Variants in IQCM observed in about 807,000 individuals in gnomAD.
IQCM encodes IQ domain-containing protein M.
In IQCM, 45 loss-of-function variants were observed where a neutral mutation model predicts 57.6. That is an observed-to-expected ratio of 0.78 (90% confidence interval 0.62 to 1.00). The LOEUF (loss-of-function observed/expected upper bound fraction) is 1.00. Among genes scored for constraint, IQCM ranks in the 50% least tolerant of loss-of-function variants. The probability of loss-of-function intolerance (pLI) is 0.00; values close to 1 mark genes in which losing one functional copy is unlikely to be tolerated. For synonymous variants in IQCM, 148 were observed against 158.9 expected, an observed-to-expected ratio of 0.93 and a Z score of 0.51; for missense variants, 468 against 511.6, an observed-to-expected ratio of 0.91 and a Z score of 0.82.
intron 8 of IQCM, among the ~76,000 whole-genome samples, chr4:149,596,979 T>C (rs1301093983): frequency 6.6e-6 from 1 of 152,080 alleles, no homozygotes. Context: ...AATCAGAACC[T>C]ACATATTCAG....
At chr4:149,790,787 T>G (rs1244214734) in intron 2 of IQCM, among the ~76,000 whole-genome samples, 1 of 152,178 alleles carries the variant, frequency 6.6e-6, no homozygotes, top group East Asian at 1.9e-4. Context: ...GAGGGCATTT[T>G]TGTATTCCAG....
intron 12 of IQCM, among the ~76,000 whole-genome samples, chr4:149,446,088 T>C (rs1736476527): frequency 6.6e-6 from 1 of 151,824 alleles, no homozygotes; most frequent in African/African-American, 2.4e-5. Context: ...AGAATCATTA[T>C]ATTCAAACAT....
chr4:149,654,344 C>T (rs1470644623), intron 7 of IQCM, among the ~76,000 whole-genome samples: 1 of 152,000 alleles, frequency 6.6e-6, no homozygotes, highest in Non-Finnish European at 1.5e-5. Flanking sequence ...GGGGTGGATC[C>T]CTCATGACTC....
intron 12 of IQCM, among the ~76,000 whole-genome samples, chr4:149,449,028 C>G (rs931153564): frequency 5.3e-5 from 8 of 151,280 alleles, no homozygotes; most frequent in African/African-American, 1.7e-4. Context: ...AAGAGAATTA[C>G]AGAAAAATAT....
chr4:149,578,511 T>A (rs1427640508), intron 9 of IQCM, among the ~76,000 whole-genome samples: 1 of 151,720 alleles, frequency 6.6e-6, no homozygotes, highest in Admixed American at 6.6e-5. Context: ...CTGCTCTTCA[T>A]CCCAACACAG....
intron 13 of IQCM, among the ~76,000 whole-genome samples, chr4:149,368,946 G>GTATATATATACACGTGTATATATA: frequency 1.8e-5 from 1 of 54,230 alleles, no homozygotes; most frequent in Non-Finnish European, 4.1e-5. Flanking sequence ...ATATATATGT[G>GTATATATATACACGTGTATATATA]TATATATATA....
At chr4:149,510,682 A>G (rs1484362221) in intron 12 of IQCM, among the ~76,000 whole-genome samples, 1 of 152,126 alleles carries the variant, frequency 6.6e-6, no homozygotes, top group Non-Finnish European at 1.5e-5. Context: ...GCTTTCTTTC[A>G]TGATCTTTAC....
At chr4:149,565,603 C>T (rs1193814342) in intron 9 of IQCM, among the ~76,000 whole-genome samples, 1 of 152,052 alleles carries the variant, frequency 6.6e-6, no homozygotes, top group Non-Finnish European at 1.5e-5. Flanking sequence ...GGAGATCAGC[C>T]CCAGATTAAG....
At chr4:149,629,045 A>G (rs527636694) in intron 7 of IQCM, among the ~76,000 whole-genome samples, 1 of 152,336 alleles carries the variant, frequency 6.6e-6, no homozygotes, top group African/African-American at 2.4e-5. Context: ...CTGAGGCATG[A>G]ATCAATAAAA....
intron 2 of IQCM, among the ~76,000 whole-genome samples, chr4:149,758,609 A>G (rs191511483): frequency 6.6e-6 from 1 of 152,364 alleles, no homozygotes; most frequent in East Asian, 1.9e-4. Context: ...TAAAATATAC[A>G]AAGAATTCTC....
At chr4:149,429,812 A>C (rs1416153998) in intron 13 of IQCM, 1 of 387,082 alleles carries the variant, frequency 2.6e-6, no homozygotes, top group East Asian at 3.7e-5. Flanking sequence ...CAGTCAATTT[A>C]ATAACCATGT....
intron 12 of IQCM, among the ~76,000 whole-genome samples, chr4:149,547,651 C>G (rs1748591550): frequency 6.6e-6 from 1 of 152,128 alleles, no homozygotes; most frequent in Non-Finnish European, 1.5e-5. Context: ...TGTGTCCTCA[C>G]CACACACTCA....
At chr4:149,790,656 G>A (rs1275520933) in intron 2 of IQCM, among the ~76,000 whole-genome samples, 1 of 152,158 alleles carries the variant, frequency 6.6e-6, no homozygotes, top group Non-Finnish European at 1.5e-5. Context: ...CTCAAATGAA[G>A]TTACTGTGAT....
chr4:149,355,961 C>T (rs937802390), intron 13 of IQCM, among the ~76,000 whole-genome samples: 24 of 151,710 alleles, frequency 1.6e-4, no homozygotes, highest in Middle Eastern at 3.2e-3. Flanking sequence ...TGGTATCTCA[C>T]TGTGGTTTTG....
chr4:149,566,116 T>C (rs879652555), intron 9 of IQCM, among the ~76,000 whole-genome samples: 1 of 152,162 alleles, frequency 6.6e-6, no homozygotes, highest in African/African-American at 2.4e-5. Context: ...TTGGCTAATA[T>C]AATAAATTTT....
chr4:149,554,800 C>A (rs1579470951), intron 10 of IQCM, among the ~76,000 whole-genome samples: 1 of 151,744 alleles, frequency 6.6e-6, no homozygotes, highest in African/African-American at 2.4e-5. Context: ...CCCGGGTTCA[C>A]GCCATTCTCC....
chr4:149,582,305 GACATATATATATATATATAT>G (rs1219841164), intron 9 of IQCM, among the ~76,000 whole-genome samples: 2 of 58,642 alleles, frequency 3.4e-5, no homozygotes, highest in East Asian at 1.1e-3. Flanking sequence ...AGATGCTGTA[GACATATATATATATATATAT>G]ATATATATAT....
chr4:149,719,344 TAAA>T (rs763244074), intron 5 of IQCM, among the ~76,000 whole-genome samples: 2 of 124,364 alleles, frequency 1.6e-5, no homozygotes. Flanking sequence ...AAGTCAGTCT[TAAA>T]AAAAAAAAAA....
intron 7 of IQCM, among the ~76,000 whole-genome samples, chr4:149,640,853 C>T (rs1021366495): frequency 6.6e-6 from 1 of 152,148 alleles, no homozygotes; most frequent in Non-Finnish European, 1.5e-5. Flanking sequence ...TTCAGCCAGG[C>T]GCAGTGGCTC....
Sources: allele counts gnomAD v4.1 joint callset (sites outside exome capture counted in the v4.1 genomes callset), GRCh38; gene constraint gnomAD v4.1.1; transcripts MANE v1.5; gene names NCBI Gene and HGNC (gene_info 2026-07-23, HGNC 2026-07-21).